RNF152: variants seen among roughly 807,000 people sequenced by gnomAD.
RNF152 encodes ring finger protein 152, also known as E3 ubiquitin-protein ligase RNF152.
In RNF152, 11 loss-of-function variants were observed where a neutral mutation model predicts 12.7. That is an observed-to-expected ratio of 0.86 (90% CI 0.54 to 1.43). The LOEUF is 1.43. Ranked by LOEUF, RNF152 falls within the 40% of genes most tolerant of loss-of-function variation. The probability of loss-of-function intolerance (pLI) is 0.00; values close to 1 mark genes in which losing one functional copy is unlikely to be tolerated. For synonymous variants in RNF152, 113 were observed against 120.3 expected (o/e 0.94, Z 0.40); for missense variants, 255 against 274.8 (o/e 0.93, Z 0.51).
intron 1 of RNF152, among the ~76,000 whole-genome samples, chr18:61,846,252 C>A (rs1452685638): frequency 1.3e-5 from 2 of 152,158 alleles, no homozygotes; most frequent in African/African-American, 4.8e-5. Context: ...TCTTTTCTTT[C>A]TTTTTTAATA....
chr18:61,823,291 T>C (rs1909504331), intron 1 of RNF152, among the ~76,000 whole-genome samples: 1 of 152,218 alleles, frequency 6.6e-6, no homozygotes, highest in African/African-American at 2.4e-5. Context: ...GTGAAAATTG[T>C]CGTTTAAACA....
At chr18:61,891,930 C>A (rs1480141034) in intron 1 of RNF152, among the ~76,000 whole-genome samples, 1 of 152,212 alleles carries the variant, frequency 6.6e-6, no homozygotes, top group Non-Finnish European at 1.5e-5. Flanking sequence ...ATTTCCATAA[C>A]CATTCTTATT....
chr18:61,854,364 T>C (rs943218080), intron 1 of RNF152, among the ~76,000 whole-genome samples: 1 of 152,220 alleles, frequency 6.6e-6, no homozygotes, highest in Non-Finnish European at 1.5e-5. Context: ...AAGCAAGCTC[T>C]CAGTTTTGAG....
At chr18:61,821,060 G>A (rs1242588047) in intron 1 of RNF152, among the ~76,000 whole-genome samples, 2 of 152,334 alleles carry the variant, frequency 1.3e-5, no homozygotes, top group African/African-American at 4.8e-5. Context: ...GCTCTGCACT[G>A]AGGCACATAT....
intron 1 of RNF152, among the ~76,000 whole-genome samples, chr18:61,853,859 C>T (rs551550591): frequency 5.9e-5 from 9 of 152,244 alleles, no homozygotes; most frequent in African/African-American, 2.2e-4. Context: ...GATGAGGTTC[C>T]AAGGATGAGG....
rs988360507 is a variant in RNF152, at chr18:61,808,505, C to A, written c.*7347G>T. On this transcript the variant is annotated 3_prime_UTR_variant, in exon 2 of 2. Transcript: ENST00000312828. ...GAGCAGCATTAATATAGCCATTAGACTGGAGTATTTGTTATCAAGAGGGCC... is the reference window on the plus strand; with the variant it reads ...GAGCAGCATTAATATAGCCATTAGAATGGAGTATTTGTTATCAAGAGGGCC... 1.3e-5 allele frequency: 2 copies of A among 149,382 alleles called. No individual in the cohort carries two copies. The highest frequency in any genetic ancestry group is 3.0e-5 in the Non-Finnish European group (2 of 67,636). The allele number at this position is 149,382 out of a possible 1,614,324, so 9.3% of individuals were successfully genotyped here.
chr18:61,888,478 C>T (rs1912799141), intron 1 of RNF152: 1 of 152,186 alleles, frequency 6.6e-6, no homozygotes, highest in African/African-American at 2.4e-5. Flanking sequence ...CTGTTTTTCA[C>T]TTTCAATACA....
At chr18:61,818,685 A>C (rs564022156) in intron 1 of RNF152, among the ~76,000 whole-genome samples, 1 of 152,368 alleles carries the variant, frequency 6.6e-6, no homozygotes, top group South Asian at 2.1e-4. Context: ...ACAAAGCTAA[A>C]TACTGTAGGA....
At chr18:61,872,304 T>G (rs1422748428) in intron 1 of RNF152, among the ~76,000 whole-genome samples, 1 of 152,086 alleles carries the variant, frequency 6.6e-6, no homozygotes, top group Admixed American at 6.6e-5. Flanking sequence ...CAATTCAACA[T>G]GAGATTTGGG....
intron 1 of RNF152, among the ~76,000 whole-genome samples, chr18:61,819,690 G>A (rs1002854973): frequency 1.3e-5 from 2 of 152,124 alleles, no homozygotes; most frequent in Non-Finnish European, 2.9e-5. Context: ...TGGAGGTGCT[G>A]GGGAAGGTAT....
intron 1 of RNF152, among the ~76,000 whole-genome samples, chr18:61,875,466 C>A (rs1912170807): frequency 6.6e-6 from 1 of 152,084 alleles, no homozygotes; most frequent in Non-Finnish European, 1.5e-5. Context: ...TTCCTACAAC[C>A]CTTCAGACCT....
In RNF152 at chr18:61,810,709, C is replaced by T. The variant is rs1912938485; in HGVS notation, c.*5143G>A. On this transcript the variant is annotated 3_prime_UTR_variant, in exon 2 of 2. Transcript: ENST00000312828. ...TGAACAAAATCCAGCAACTGAACAT[C>T]GTTGCTTTTTAAATAGACTACTACT... 2 of 152,162 alleles carry T rather than the reference C, an allele frequency of 1.3e-5. No homozygotes were observed. The highest frequency in any genetic ancestry group is 1.3e-4 in the Admixed American group (2 of 15,280). 9.4% of individuals were successfully genotyped at this position (152,162 alleles called of 1,614,324 possible).
At chr18:61,824,721 C>T (rs116984814) in intron 1 of RNF152, among the ~76,000 whole-genome samples, 5,630 of 152,336 alleles carry the variant, frequency 0.037, 141 homozygotes, top group Admixed American at 0.057. Flanking sequence ...GTCCCAACAA[C>T]GCTACCTTGA....
rs1030274948 is a variant in RNF152, at chr18:61,815,976, C to A, written c.488G>T (p.Ser163Ile). Residue 163 changes from serine (S) to isoleucine (I), a missense_variant, in exon 2 of 2, where the codon AGC becomes ATC. Transcript: ENST00000312828. ...EEQDRRGVVK[S>I]STWSGVCTVI... is the part of the protein sequence containing the mutation. ...AGTGCACACCCCCGACCAGGTGGAG[C>A]TTTTCACCACGCCCCGCCTGTCCTG... 4 of 1,614,096 alleles carry A rather than the reference C, an allele frequency of 2.5e-6. No homozygotes were observed. The highest frequency in any genetic ancestry group is 1.7e-5 in the Admixed American group (1 of 60,012).
At chr18:61,834,744 T>C (rs1271676547) in intron 1 of RNF152, among the ~76,000 whole-genome samples, 2 of 152,226 alleles carry the variant, frequency 1.3e-5, no homozygotes, top group Non-Finnish European at 2.9e-5. Context: ...ATCATGAGTA[T>C]AGTAAGATTC....
At chr18:61,847,773 C>T (rs1451403901) in intron 1 of RNF152, among the ~76,000 whole-genome samples, 2 of 152,096 alleles carry the variant, frequency 1.3e-5, no homozygotes, top group African/African-American at 4.8e-5. Flanking sequence ...CCTGCTCTAC[C>T]CACAGTCTTC....
chr18:61,833,915 T>C (rs1298209488), intron 1 of RNF152, among the ~76,000 whole-genome samples: 1 of 152,068 alleles, frequency 6.6e-6, no homozygotes, highest in Non-Finnish European at 1.5e-5. Context: ...CAAGATAAAA[T>C]ATCAGATGCG....
rs538523334 is a variant in RNF152, at chr18:61,816,351, C to A, written c.113G>T (p.Cys38Phe). The A allele has an allele frequency of 6.2e-7, 1 of 1,614,196 alleles. No individual in the cohort carries two copies. Among genetic ancestry groups the A allele is most frequent in the Non-Finnish European group, 8.5e-7 (1 of 1,180,032 alleles). Residue 38 changes from cysteine to phenylalanine, a missense_variant, in exon 2 of 2, where the codon TGC (cysteine) becomes TTC (phenylalanine). Coordinates refer to ENST00000312828, the MANE Select transcript of RNF152 (RefSeq NM_173557.3). Reference protein sequence around the residue: ...LDCKHTCCSVCLQQMRTSQKD... With the variant: ...LDCKHTCCSVFLQQMRTSQKD... ...CTGGCTGGTCCTCATCTGCTGCAGG[C>A]ACACTGAACAGCAGGTGTGCTTGCA...
At position 61,814,315 on chromosome 18, in the gene RNF152, C is replaced by T. The variant is rs1256703713; in HGVS notation, c.*1537G>A. On this transcript the variant is annotated 3_prime_UTR_variant, in exon 2 of 2. Coordinates refer to ENST00000312828, the MANE Select transcript of RNF152 (RefSeq NM_173557.3). Reference sequence around the variant, plus strand: ...CTGCTTGTCTTTCCTTCACTTCCCCCCACCCTCCTCACCATTTTCAGGGAT... The same window carrying T: ...CTGCTTGTCTTTCCTTCACTTCCCCTCACCCTCCTCACCATTTTCAGGGAT... 1 of 152,158 alleles carries T rather than the reference C, an allele frequency of 6.6e-6. No homozygotes were observed. Among genetic ancestry groups the T allele is most frequent in the African/African-American group, 2.4e-5 (1 of 41,422 alleles). The allele number at this position is 152,158 out of a possible 1,614,324, so 9.4% of individuals were successfully genotyped here.
Sources: gnomAD v4.1 joint callset for allele counts (sites outside exome capture counted in the v4.1 genomes callset) on GRCh38, gnomAD v4.1.1 for gene constraint, MANE v1.5 for transcripts, NCBI Gene and HGNC (gene_info 2026-07-23, HGNC 2026-07-21) for gene names.